ERC2: variants seen among roughly 807,000 people sequenced by gnomAD.
The protein encoded by ERC2 is ERC protein 2.
In ERC2, 42 loss-of-function variants were observed where a neutral mutation model predicts 114.8. The observed-to-expected ratio is 0.37, with a 90% CI of 0.29 to 0.47. The LOEUF (loss-of-function observed/expected upper bound fraction) is 0.47, where lower values mean the gene tolerates loss of function less well. Among genes scored for constraint, ERC2 ranks in the 20% least tolerant of loss-of-function variants. ERC2 has a pLI of 0.99. For missense variants in ERC2, 939 were observed against 1,150.7 expected (o/e 0.82, Z 2.66); for synonymous variants, 454 against 425.5 (o/e 1.07, Z -0.82).
intron 4 of ERC2, among the ~76,000 whole-genome samples, chr3:56,152,157 T>G (rs1179044292): frequency 2.0e-5 from 3 of 152,098 alleles, no homozygotes; most frequent in African/African-American, 7.2e-5. Flanking sequence ...GATTGCAGGG[T>G]CAAGTATGTT....
At chr3:55,662,297 T>C (rs1415873866) in intron 17 of ERC2, among the ~76,000 whole-genome samples, 1 of 152,256 alleles carries the variant, frequency 6.6e-6, no homozygotes, top group Middle Eastern at 3.2e-3. Context: ...TTGTTTGTGA[T>C]AGCAAAACAT....
chr3:56,447,421 G>A (rs2062628532), intron 1 of ERC2, among the ~76,000 whole-genome samples: 1 of 152,234 alleles, frequency 6.6e-6, no homozygotes, highest in Admixed American at 6.5e-5. Context: ...GCGGGGAGGA[G>A]AGGAAAGAGA....
chr3:56,117,658 T>C (rs1294563492), intron 6 of ERC2, among the ~76,000 whole-genome samples: 2 of 152,222 alleles, frequency 1.3e-5, no homozygotes, highest in African/African-American at 4.8e-5. Context: ...GCATGAAGTT[T>C]GACACATATA....
chr3:56,147,483 A>G (rs542178226), intron 5 of ERC2, among the ~76,000 whole-genome samples: 3 of 152,332 alleles, frequency 2.0e-5, no homozygotes, highest in South Asian at 4.1e-4. Context: ...ACACACACAC[A>G]CGCACACACG....
chr3:56,445,517 G>A lies in ERC2; in HGVS notation c.-140-10370C>T, dbSNP rs918415125. 9.9e-5 allele frequency among the ~76,000 whole-genome samples: 15 copies of A among 152,174 alleles called. No homozygotes were observed. The East Asian group carries it at 2.9e-3, about 29-fold the overall frequency. ...CTCTACTCTTATTTCCAAAATATCA[G>A]CTAAACTGTTTTAAGATACAATTAC... is the stretch of plus-strand genomic sequence containing the variant. On this transcript the variant is annotated intron_variant, in intron 1 of 17. Coordinates refer to ENST00000288221, the MANE Select transcript of ERC2 (RefSeq NM_015576.3).
chr3:55,578,081 G>A (rs1292219092), intron 17 of ERC2, among the ~76,000 whole-genome samples: 1 of 152,206 alleles, frequency 6.6e-6, no homozygotes, highest in Admixed American at 6.5e-5. Flanking sequence ...AGCAAGCAGA[G>A]AGGGGCCTTC....
intron 10 of ERC2, chr3:56,003,154 A>G: frequency 1.6e-6 from 2 of 1,286,878 alleles, no homozygotes; most frequent in Non-Finnish European, 1.0e-6. Flanking sequence ...AAAGTTGGGG[A>G]GGCATTGAGG....
At chr3:55,820,135 C>T (rs893629414) in intron 14 of ERC2, among the ~76,000 whole-genome samples, 2 of 152,100 alleles carry the variant, frequency 1.3e-5, no homozygotes, top group African/African-American at 2.4e-5. Flanking sequence ...GTCAGGTGTC[C>T]ACGTGGGGTC....
intron 14 of ERC2, among the ~76,000 whole-genome samples, chr3:55,849,021 C>G (rs1037646856): frequency 1.3e-4 from 20 of 152,000 alleles, no homozygotes; most frequent in Non-Finnish European, 1.9e-4. Flanking sequence ...TTTCAAAAAA[C>G]AGAGACAGTG....
chr3:55,891,067 G>T (rs1332196948), intron 13 of ERC2, among the ~76,000 whole-genome samples: 1 of 152,210 alleles, frequency 6.6e-6, no homozygotes, highest in East Asian at 1.9e-4. Context: ...CCCTGCTGGG[G>T]TGATCATTAG....
intron 12 of ERC2, 117 bp from the exon 13 acceptor site, chr3:55,950,677 TG>T: frequency 9.1e-7 from 1 of 1,095,768 alleles, no homozygotes; most frequent in Non-Finnish European, 1.3e-6. Flanking sequence ...GGGAAAAAGA[TG>T]ATACTTCTGA....
intron 14 of ERC2, among the ~76,000 whole-genome samples, chr3:55,750,435 C>A (rs967219065): frequency 6.6e-6 from 1 of 152,112 alleles, no homozygotes; most frequent in Non-Finnish European, 1.5e-5. Context: ...AAAAGGAGAA[C>A]TGGAATTTGT....
chr3:55,979,694 G>A (rs1056162810), intron 12 of ERC2, among the ~76,000 whole-genome samples: 8 of 151,636 alleles, frequency 5.3e-5, no homozygotes, highest in East Asian at 1.9e-4. Context: ...TAAAACATGA[G>A]TCTCACTGTT....
rs897816219 is a variant in ERC2, at chr3:55,571,721, T to C, written c.*40-60445A>G. On this transcript the variant is annotated intron_variant, in intron 17 of 17. Coordinates refer to ENST00000288221, the MANE Select transcript of ERC2 (RefSeq NM_015576.3). ...CTGAGTGGTCCTGCATGATGTGGTG[T>C]GCCTTCCCCTCTTGGAATTGTGAGC... is the stretch of plus-strand genomic sequence containing the variant. Among the ~76,000 whole-genome samples the C allele has an allele frequency of 9.2e-5, 14 of 152,306 alleles. 2 individuals carry two copies. In the South Asian group the frequency reaches 2.9e-3, roughly 32 times the overall value.
chr3:55,752,412 T>C (rs115850092), intron 14 of ERC2, among the ~76,000 whole-genome samples: 2,352 of 152,292 alleles, frequency 0.015, 54 homozygotes, highest in African/African-American at 0.054. Flanking sequence ...ACGATGGAAA[T>C]TGGCAATCAC....
At chr3:55,593,225 C>G (rs2057981391) in intron 17 of ERC2, among the ~76,000 whole-genome samples, 1 of 152,164 alleles carries the variant, frequency 6.6e-6, no homozygotes, top group Non-Finnish European at 1.5e-5. Flanking sequence ...TCATCCTTGC[C>G]TTGGTGCAAA....
At chr3:56,088,932 C>T (rs778816622) in intron 6 of ERC2, among the ~76,000 whole-genome samples, 2 of 152,082 alleles carry the variant, frequency 1.3e-5, no homozygotes, top group South Asian at 2.1e-4. Flanking sequence ...ATTTATATAC[C>T]GCAGGAATGC....
chr3:55,725,626 CAA>C (rs1491375121), intron 15 of ERC2, among the ~76,000 whole-genome samples: 3 of 152,174 alleles, frequency 2.0e-5, no homozygotes, highest in Middle Eastern at 3.4e-3. Context: ...CTCCTATAGC[CAA>C]AGAGTGCCCA....
intron 17 of ERC2, among the ~76,000 whole-genome samples, chr3:55,659,898 G>A (rs973951058): frequency 9.2e-5 from 14 of 151,718 alleles, no homozygotes; most frequent in Non-Finnish European, 1.5e-4. Context: ...TCTGAATCTC[G>A]GTATGGCGTC....
Sources: gnomAD v4.1 joint callset for allele counts (sites outside exome capture counted in the v4.1 genomes callset) on GRCh38, gnomAD v4.1.1 for gene constraint, MANE v1.5 for transcripts, NCBI Gene and HGNC (gene_info 2026-07-23, HGNC 2026-07-21) for gene names.